TENM3: variants seen among roughly 807,000 people sequenced by gnomAD.
TENM3 encodes the protein teneurin-3.
In TENM3, 63 loss-of-function variants were observed where a neutral mutation model predicts 255.1. That is an observed-to-expected ratio of 0.25 (90% CI 0.20 to 0.30). TENM3 has a LOEUF of 0.30. TENM3 is among the 10% of genes least tolerant of loss of function. TENM3 has a pLI of 1.00. For synonymous variants in TENM3, 1,306 were observed against 1,322.3 expected (o/e 0.99, Z 0.27); for missense variants, 2,929 against 3,461.1 (o/e 0.85, Z 3.86).
chr4:182,083,314 C>T, the TENM3 span, among the ~76,000 whole-genome samples: 1 of 152,102 alleles, frequency 6.6e-6, no homozygotes, highest in Non-Finnish European at 1.5e-5. Context: ...AAGCATCATT[C>T]GGAATCTTTA....
intron 1 of TENM3, among the ~76,000 whole-genome samples, chr4:182,210,149 C>A (rs2597110): frequency 6.6e-6 from 1 of 152,142 alleles, no homozygotes; most frequent in African/African-American, 2.4e-5. Context: ...TCTAGATCCC[C>A]TGCTCTCACA....
At chr4:182,443,617 C>T (rs76675638) in intron 3 of TENM3, among the ~76,000 whole-genome samples, 1 of 152,154 alleles carries the variant, frequency 6.6e-6, no homozygotes, top group Non-Finnish European at 1.5e-5. Flanking sequence ...TACCTCACCC[C>T]CTTCCCTCCT....
chr4:182,258,472 A>C (rs1758572300), intron 1 of TENM3, among the ~76,000 whole-genome samples: 1 of 152,192 alleles, frequency 6.6e-6, no homozygotes, highest in African/African-American at 2.4e-5. Flanking sequence ...TCATTTAGGC[A>C]TTCAATGACC....
the TENM3 span, among the ~76,000 whole-genome samples, chr4:181,496,901 A>G: frequency 1.3e-5 from 2 of 152,096 alleles, no homozygotes; most frequent in Non-Finnish European, 2.9e-5. Flanking sequence ...GGGCAGTAAC[A>G]TTTTCTAGCT....
intron 3 of TENM3, among the ~76,000 whole-genome samples, chr4:182,465,717 G>A (rs1424257460): frequency 2.0e-5 from 3 of 151,920 alleles, no homozygotes; most frequent in South Asian, 2.1e-4. Context: ...TTCTGACATC[G>A]GTGCTTTATT....
the TENM3 span, among the ~76,000 whole-genome samples, chr4:181,620,470 G>T: frequency 3.3e-5 from 5 of 151,838 alleles, no homozygotes; most frequent in Admixed American, 2.6e-4. Context: ...TTCTAATCCG[G>T]GTTTGGCTCT....
chr4:182,670,680 C>T (rs1755123820), intron 6 of TENM3, among the ~76,000 whole-genome samples: 2 of 152,142 alleles, frequency 1.3e-5, no homozygotes, highest in Admixed American at 6.5e-5. Flanking sequence ...GATGTACTCT[C>T]CCTCAAACCT....
At chr4:182,560,777 C>T (rs868765026) in intron 3 of TENM3, among the ~76,000 whole-genome samples, 2 of 152,066 alleles carry the variant, frequency 1.3e-5, no homozygotes, top group Non-Finnish European at 2.9e-5. Context: ...ATGAACAGAT[C>T]CTGCTTGAAT....
the TENM3 span, among the ~76,000 whole-genome samples, chr4:181,950,412 G>T: frequency 6.6e-6 from 1 of 152,100 alleles, no homozygotes; most frequent in African/African-American, 2.4e-5. Flanking sequence ...ACAGGGACGC[G>T]CATGAAACTT....
chr4:181,554,438 G>T, the TENM3 span, among the ~76,000 whole-genome samples: 1 of 152,158 alleles, frequency 6.6e-6, no homozygotes, highest in Non-Finnish European at 1.5e-5. Context: ...ATAGTTTGAT[G>T]ATGAGCAGAA....
At chr4:182,276,810 GC>G (rs1274517022) in intron 1 of TENM3, among the ~76,000 whole-genome samples, 1 of 152,146 alleles carries the variant, frequency 6.6e-6, no homozygotes, top group African/African-American at 2.4e-5. Context: ...TATATATAGA[GC>G]TTTCCACTTG....
chr4:181,703,694 G>T, the TENM3 span, among the ~76,000 whole-genome samples: 2 of 152,182 alleles, frequency 1.3e-5, no homozygotes, highest in Non-Finnish European at 2.9e-5. Context: ...TGTTGAGCAG[G>T]TGGAAGCAAT....
intron 1 of TENM3, among the ~76,000 whole-genome samples, chr4:182,226,064 T>C (rs144185355): frequency 6.6e-6 from 1 of 152,290 alleles, no homozygotes; most frequent in East Asian, 1.9e-4. Context: ...TGTTTGTGAG[T>C]TTTCTTATTC....
chr4:182,011,696 A>C, the TENM3 span, among the ~76,000 whole-genome samples: 1 of 152,186 alleles, frequency 6.6e-6, no homozygotes, highest in Non-Finnish European at 1.5e-5. Context: ...ATTTTCCAAA[A>C]AGGGTCGAAT....
chr4:182,497,742 ATTC>A (rs1200735664), intron 3 of TENM3, among the ~76,000 whole-genome samples: 1 of 151,936 alleles, frequency 6.6e-6, no homozygotes, highest in East Asian at 1.9e-4. Context: ...GTCAAGTTTT[ATTC>A]TTCTTCATAA....
intron 3 of TENM3, among the ~76,000 whole-genome samples, chr4:182,362,445 C>T (rs555668966): frequency 3.1e-4 from 47 of 152,006 alleles, no homozygotes; most frequent in African/African-American, 1.1e-3. Context: ...CCTCCCCCAG[C>T]CTCACTGCCA....
the TENM3 span, among the ~76,000 whole-genome samples, chr4:182,071,589 G>A: frequency 6.6e-6 from 1 of 151,926 alleles, no homozygotes; most frequent in Non-Finnish European, 1.5e-5. Context: ...GGGATTACAG[G>A]TGCCTGCCAC....
intron 1 of TENM3, among the ~76,000 whole-genome samples, chr4:182,170,403 C>T (rs1308468620): frequency 6.6e-6 from 1 of 152,098 alleles, no homozygotes; most frequent in African/African-American, 2.4e-5. Flanking sequence ...TAGCACCTTT[C>T]TTTCTCCTTA....
At chr4:182,208,611 G>A (rs1444116385) in intron 1 of TENM3, among the ~76,000 whole-genome samples, 7 of 152,250 alleles carry the variant, frequency 4.6e-5, no homozygotes, top group African/African-American at 1.7e-4. Context: ...CCTAATTAGA[G>A]TTCAAAGGTA....
Sources: allele counts gnomAD v4.1 joint callset (sites outside exome capture counted in the v4.1 genomes callset), GRCh38; gene constraint gnomAD v4.1.1; transcripts MANE v1.5; gene names NCBI Gene and HGNC (gene_info 2026-07-23, HGNC 2026-07-21).